Variants in ATP2C2 observed in about 807,000 individuals in gnomAD.
ATP2C2 encodes ATPase secretory pathway Ca2+ transporting 2.
A neutral mutation model predicts 110.8 loss-of-function variants in ATP2C2; 171 were observed. That is an observed-to-expected ratio of 1.54 (90% CI 1.36 to 1.75). The LOEUF (loss-of-function observed/expected upper bound fraction) is 1.75, where lower values mean the gene tolerates loss of function less well. ATP2C2 is among the 40% of genes most tolerant of loss of function. The pLI, the probability that ATP2C2 is intolerant of heterozygous loss-of-function variation, is 0.00. For synonymous variants in ATP2C2, 804 were observed against 508.4 expected (o/e 1.58, Z -7.82); for missense variants, 1,963 against 1,235.0 (o/e 1.59, Z -8.84).
At chr16:84,372,000 T>C (rs1909982162) in intron 1 of ATP2C2, among the ~76,000 whole-genome samples, 1 of 152,092 alleles carries the variant, frequency 6.6e-6, no homozygotes, top group Admixed American at 6.5e-5. Context: ...AGACGTGATG[T>C]TTAAGATGAA....
rs59552270 is a variant in ATP2C2, at chr16:84,419,208, TAAAAA to T, written c.625-3156_625-3152del. ...GGGTGACAGAGTGAGACCCCATCTT[TAAAAA>T]AAAAAAAAAAAAAAAAAAAAAAAAA... On this transcript the variant is annotated intron_variant, in intron 7 of 26. Coordinates refer to ENST00000262429, the MANE Select transcript of ATP2C2 (RefSeq NM_014861.4). Among the ~76,000 whole-genome samples the T allele has an allele frequency of 6.9e-3, 327 of 47,488 alleles. 3 individuals carry two copies. The highest frequency in any genetic ancestry group is 0.025 in the African/African-American group (301 of 12,162). 31.2% of individuals were successfully genotyped at this position (47,488 alleles called of 152,430 possible).
At chr16:84,429,144 T>G (rs537884930) in intron 11 of ATP2C2, among the ~76,000 whole-genome samples, 22 of 106,154 alleles carry the variant, frequency 2.1e-4, no homozygotes, top group East Asian at 4.8e-4. Flanking sequence ...GCGTTGTTTT[T>G]TTTGTTTGTT....
chr16:84,408,157 A>G (rs2093680569), intron 3 of ATP2C2, among the ~76,000 whole-genome samples: 1 of 152,186 alleles, frequency 6.6e-6, no homozygotes, highest in African/African-American at 2.4e-5. Context: ...CAAGAACTCA[A>G]AGGCAGGGCT....
intron 1 of ATP2C2, among the ~76,000 whole-genome samples, chr16:84,392,003 G>A (rs1358413449): frequency 1.3e-5 from 2 of 150,540 alleles, no homozygotes; most frequent in East Asian, 1.9e-4. Flanking sequence ...TATCAGTGAC[G>A]TCTCCTTAGG....
rs1215501825 is a variant in ATP2C2, at chr16:84,447,129, G to A, written c.1503+699G>A. Among the ~76,000 whole-genome samples, 16 of 151,962 alleles carry A rather than the reference G, an allele frequency of 1.1e-4. No homozygotes were observed. The East Asian group carries it at 2.5e-3, about 24-fold the overall frequency. On this transcript the variant is annotated intron_variant, in intron 16 of 26. Coordinates refer to ENST00000262429, the MANE Select transcript of ATP2C2 (RefSeq NM_014861.4). ...TTTAAAGTTTTTGTTGCCTTCTACCGTTTTCTCCACCCCTCCTCTTCCCTC... is the reference window on the plus strand; with the variant it reads ...TTTAAAGTTTTTGTTGCCTTCTACCATTTTCTCCACCCCTCCTCTTCCCTC...
intron 7 of ATP2C2, among the ~76,000 whole-genome samples, chr16:84,421,388 TA>T (rs1387920539): frequency 6.6e-6 from 1 of 152,196 alleles, no homozygotes; most frequent in Non-Finnish European, 1.5e-5. Flanking sequence ...GCAGTGCACA[TA>T]TTTTTAAAAG....
In ATP2C2 at chr16:84,459,115, T is replaced by A. The variant is rs1297453431; in HGVS notation, c.2148-5T>A. The stretch of plus-strand genomic sequence containing the variant: ...CCGTGAGTAAATGGCTCTCTTCTCT[T>A]GCAGGAATGCAGTGGAGGAAGGCAA... On this transcript the variant is annotated splice_polypyrimidine_tract_variant and splice_region_variant and intron_variant, in intron 21 of 26. Coordinates refer to ENST00000262429, the MANE Select transcript of ATP2C2 (RefSeq NM_014861.4). The A allele has an allele frequency of 6.2e-7, 1 of 1,613,980 alleles. No individual in the cohort carries two copies. Among genetic ancestry groups the A allele is most frequent in the African/African-American group, 1.3e-5 (1 of 74,928 alleles).
chr16:84,423,967 G>T (rs1907580746), intron 10 of ATP2C2, among the ~76,000 whole-genome samples: 1 of 152,160 alleles, frequency 6.6e-6, no homozygotes, highest in Non-Finnish European at 1.5e-5. Flanking sequence ...CCCTTCTGGG[G>T]CTTCTTCCTG....
chr16:84,398,298 C>G (rs184053365), intron 1 of ATP2C2, among the ~76,000 whole-genome samples: 1 of 151,800 alleles, frequency 6.6e-6, no homozygotes, highest in African/African-American at 2.4e-5. Context: ...CCCAGCTACT[C>G]GGGAGGCTGA....
chr16:84,441,270 TA>T (rs933107656), intron 14 of ATP2C2, among the ~76,000 whole-genome samples: 3 of 152,078 alleles, frequency 2.0e-5, no homozygotes, highest in African/African-American at 7.2e-5. Flanking sequence ...CTGTTTCTAT[TA>T]TTTTTTTTAA....
intron 10 of ATP2C2, 113 bp from the exon 11 acceptor site, chr16:84,425,622 G>T (rs749780136): frequency 5.1e-6 from 6 of 1,184,874 alleles, no homozygotes; most frequent in Non-Finnish European, 7.6e-6. Flanking sequence ...GTTATCAGGC[G>T]TTCCTCTGTG....
At chr16:84,421,494 G>A (rs781673206) in intron 7 of ATP2C2, among the ~76,000 whole-genome samples, 1 of 152,168 alleles carries the variant, frequency 6.6e-6, no homozygotes, top group Non-Finnish European at 1.5e-5. Context: ...GGTGGTTTGT[G>A]GAAGATGGCT....
At chr16:84,458,259 C>T (rs1244823402) in intron 21 of ATP2C2, among the ~76,000 whole-genome samples, 2 of 92,518 alleles carry the variant, frequency 2.2e-5, no homozygotes, top group Non-Finnish European at 4.3e-5. Context: ...AAACCAAACA[C>T]CACATATTCT....
At chr16:84,382,786 C>G (rs1910659903) in intron 1 of ATP2C2, among the ~76,000 whole-genome samples, 1 of 151,290 alleles carries the variant, frequency 6.6e-6, no homozygotes, top group African/African-American at 2.4e-5. Context: ...ATCCCAGCTA[C>G]TTGGGAGGCT....
chr16:84,422,819 T>C (rs961365977), intron 9 of ATP2C2, 122 bp downstream of exon 9: 2 of 1,085,900 alleles, frequency 1.8e-6, no homozygotes, highest in African/African-American at 3.3e-5. Context: ...ATGAGTATAC[T>C]TTTTAAACAT....
chr16:84,445,609 A>C (rs1287216768), intron 15 of ATP2C2, among the ~76,000 whole-genome samples: 1 of 152,190 alleles, frequency 6.6e-6, no homozygotes, highest in Non-Finnish European at 1.5e-5. Context: ...TCACATTCAG[A>C]GGTTCCGAGG....
rs16973854 is a variant in ATP2C2 at position 84,461,019 on chromosome 16, A to G, written c.2481+218A>G. On this transcript the variant is annotated intron_variant, in intron 24 of 26. Coordinates refer to ENST00000262429, the MANE Select transcript of ATP2C2 (RefSeq NM_014861.4). ...GTCGCCAGGTGTGTGCCTGGGAACT[A>G]CAGAGGCCAGCGGGGTGGAGATGAC... 3,133 of 613,370 alleles carry G rather than the reference A, an allele frequency of 5.1e-3. 86 individuals carry two copies. In the African/African-American group the frequency reaches 0.052, roughly 10 times the overall value. The allele number at this position is 613,370 out of a possible 1,614,324, so 38.0% of individuals were successfully genotyped here. A position where few individuals can be genotyped will look rare whatever the true frequency, so the allele number is the denominator to read the frequency against.
At chr16:84,442,436 G>C (rs867572803) in intron 14 of ATP2C2, 74 bp from the exon 15 acceptor site, 14 of 1,416,990 alleles carry the variant, frequency 9.9e-6, no homozygotes, top group Non-Finnish European at 1.4e-5. Flanking sequence ...CTGTAAAAAT[G>C]GGACAGGCCC....
chr16:84,391,077 G>A (rs1354151788), intron 1 of ATP2C2, among the ~76,000 whole-genome samples: 1 of 127,346 alleles, frequency 7.9e-6, no homozygotes, highest in Non-Finnish European at 1.6e-5. Context: ...TCACACTGCT[G>A]CACTCCAGCC....
Sources: allele counts gnomAD v4.1 joint callset (sites outside exome capture counted in the v4.1 genomes callset), GRCh38; gene constraint gnomAD v4.1.1; transcripts MANE v1.5; gene names NCBI Gene and HGNC (gene_info 2026-07-23, HGNC 2026-07-21).